Variants in IGSF21 observed in about 807,000 individuals in gnomAD.
The protein encoded by IGSF21 is immunoglobulin superfamily member 21.
In IGSF21, 28 loss-of-function variants were observed where a neutral mutation model predicts 46.8. The ratio of observed to expected loss-of-function variants is 0.60; its 90% confidence interval spans 0.44 to 0.82. IGSF21 has a LOEUF of 0.82. Ranked by LOEUF, IGSF21 falls within the 40% of genes least tolerant of loss-of-function variation. The probability of loss-of-function intolerance (pLI) is 0.00; values close to 1 mark genes in which losing one functional copy is unlikely to be tolerated. For synonymous variants in IGSF21, 284 were observed against 273.6 expected (o/e 1.04, Z -0.38); for missense variants, 624 against 665.5 (o/e 0.94, Z 0.69).
chr1:18,237,252 A>G (rs2084681748), intron 2 of IGSF21, among the ~76,000 whole-genome samples: 1 of 152,156 alleles, frequency 6.6e-6, no homozygotes, highest in Non-Finnish European at 1.5e-5. Flanking sequence ...ATCCTGCTCT[A>G]CCATTTAATT....
At chr1:18,198,301 G>A (rs1338143921) in intron 1 of IGSF21, among the ~76,000 whole-genome samples, 1 of 152,148 alleles carries the variant, frequency 6.6e-6, no homozygotes, top group Admixed American at 6.5e-5. Flanking sequence ...ACCTGCCCAA[G>A]TCATAAGTGG....
At chr1:18,254,716 C>T (rs561953085) in intron 2 of IGSF21, among the ~76,000 whole-genome samples, 76 of 152,358 alleles carry the variant, frequency 5.0e-4, no homozygotes, top group African/African-American at 1.8e-3. Context: ...CTGTGCCACT[C>T]CTGGACATAG....
At chr1:18,374,096 C>T (rs2086255865) in intron 6 of IGSF21, among the ~76,000 whole-genome samples, 1 of 152,200 alleles carries the variant, frequency 6.6e-6, no homozygotes, top group Admixed American at 6.5e-5. Flanking sequence ...CTCCTGGCTG[C>T]AGCCAACAAT....
At chr1:18,292,679 C>T (rs1399580171) in intron 3 of IGSF21, among the ~76,000 whole-genome samples, 1 of 152,282 alleles carries the variant, frequency 6.6e-6, no homozygotes. Flanking sequence ...TAACACACAC[C>T]GGTCCCTCTT....
At chr1:18,336,693 C>A (rs536147846) in intron 4 of IGSF21, among the ~76,000 whole-genome samples, 1 of 152,186 alleles carries the variant, frequency 6.6e-6, no homozygotes, top group Non-Finnish European at 1.5e-5. Flanking sequence ...ACCAAAGAAC[C>A]CTGAGCAGGT....
intron 1 of IGSF21, among the ~76,000 whole-genome samples, chr1:18,157,415 C>T (rs2086578283): frequency 6.6e-6 from 1 of 152,214 alleles, no homozygotes; most frequent in Non-Finnish European, 1.5e-5. Flanking sequence ...CCAATCCCCT[C>T]AAGGTCTCGG....
At chr1:18,261,391 A>G (rs186651254) in intron 2 of IGSF21, among the ~76,000 whole-genome samples, 124 of 152,186 alleles carry the variant, frequency 8.1e-4, no homozygotes, top group African/African-American at 2.9e-3. Flanking sequence ...CAGGGACTGG[A>G]TGGAAGGAAC....
rs1015113249 is a variant in IGSF21 at position 18,227,885 on chromosome 1, C to T, written c.71-13C>T. The T allele has an allele frequency of 6.2e-7, 1 of 1,607,798 alleles. No individual in the cohort carries two copies. The highest frequency in any genetic ancestry group is 8.5e-7 in the Non-Finnish European group (1 of 1,174,330). ...CTCGTGCCCTTACCACCCCTTTCTCCTCTCTTCTGTAGGCTACCTGACAGT... is the reference window on the plus strand; with the variant it reads ...CTCGTGCCCTTACCACCCCTTTCTCTTCTCTTCTGTAGGCTACCTGACAGT... On this transcript the variant is annotated splice_polypyrimidine_tract_variant and intron_variant, in intron 1 of 9. Coordinates refer to ENST00000251296, the MANE Select transcript of IGSF21 (RefSeq NM_032880.5).
intron 1 of IGSF21, among the ~76,000 whole-genome samples, chr1:18,180,888 G>A (rs551449432): frequency 1.2e-4 from 18 of 152,274 alleles, no homozygotes; most frequent in Non-Finnish European, 2.4e-4. Context: ...GGTAAGAGGC[G>A]GATCAGGGAT....
intron 2 of IGSF21, among the ~76,000 whole-genome samples, chr1:18,263,425 C>T (rs1167904227): frequency 3.3e-5 from 5 of 151,212 alleles, no homozygotes; most frequent in African/African-American, 7.3e-5. Context: ...TGCAGTGTAA[C>T]GGGTCCAGTT....
In IGSF21 at chr1:18,287,419, C is replaced by A. The variant is rs200114290; in HGVS notation, c.184-4447C>A. 5.9e-3 allele frequency among the ~76,000 whole-genome samples: 879 copies of A among 147,754 alleles called. 10 individuals are homozygous for A. Among genetic ancestry groups the A allele is most frequent in the African/African-American group, 0.019 (784 of 40,352 alleles). ...CAAACAAACAAACAAACAAACAAAA[C>A]AAAAAAAAAATCCACCCATCCTCAT... On this transcript the variant is annotated intron_variant, in intron 2 of 9. Coordinates refer to ENST00000251296, the MANE Select transcript of IGSF21 (RefSeq NM_032880.5).
Position 18,290,880 on chromosome 1 carries a change from T to A in IGSF21, c.184-986T>A, listed in dbSNP as rs1305423804. Among the ~76,000 whole-genome samples, 3 of 151,506 alleles carry A rather than the reference T, an allele frequency of 2.0e-5. No homozygotes were observed. The highest frequency in any genetic ancestry group is 4.4e-5 in the Non-Finnish European group (3 of 67,952). On this transcript the variant is annotated intron_variant, in intron 2 of 9. Coordinates refer to ENST00000251296, the MANE Select transcript of IGSF21 (RefSeq NM_032880.5). This position sits in a 1 kb window ranked among gnomAD's most constrained non-coding sequence, Gnocchi z 4.2. ...TCCACCACACAGAGCCGCAGGGAGC[T>A]AATTCCACTTCTCTAGGCCCAGGCA...
chr1:18,370,655 A>G (rs12035573), intron 6 of IGSF21, among the ~76,000 whole-genome samples: 43,592 of 152,116 alleles, frequency 0.29, 6,912 homozygotes, highest in East Asian at 0.37. Flanking sequence ...GATATCCTTG[A>G]GAAAAAAGAA....
At chr1:18,198,199 A>G (rs2087028707) in intron 1 of IGSF21, among the ~76,000 whole-genome samples, 1 of 152,224 alleles carries the variant, frequency 6.6e-6, no homozygotes, top group Non-Finnish European at 1.5e-5. Context: ...TTGACTGGAC[A>G]ATGCCATTTT....
chr1:18,264,841 C>T (rs563750084), intron 2 of IGSF21, among the ~76,000 whole-genome samples: 9 of 152,266 alleles, frequency 5.9e-5, no homozygotes, highest in African/African-American at 1.9e-4. Context: ...CCTTGACAAC[C>T]CTACCCTTCC....
chr1:18,208,376 A>AATATAT (rs5772795), intron 1 of IGSF21, among the ~76,000 whole-genome samples: 5 of 22,038 alleles, frequency 2.3e-4, no homozygotes, highest in Admixed American at 4.7e-4. Flanking sequence ...GTTTAGGAAT[A>AATATAT]ATATATATAT....
chr1:18,352,107 A>T (rs557461004), intron 4 of IGSF21, among the ~76,000 whole-genome samples: 1 of 152,314 alleles, frequency 6.6e-6, no homozygotes, highest in East Asian at 1.9e-4. Context: ...ATCAGCGTAT[A>T]GGGCCAGGGA....
chr1:18,208,616 C>G (rs1241789922), intron 1 of IGSF21, among the ~76,000 whole-genome samples: 2 of 131,638 alleles, frequency 1.5e-5, no homozygotes, highest in Admixed American at 1.7e-4. Flanking sequence ...CCAGGATGGT[C>G]TTGATCTCCT....
intron 6 of IGSF21, among the ~76,000 whole-genome samples, chr1:18,375,728 C>T (rs114682219): frequency 1.5e-3 from 231 of 152,260 alleles, no homozygotes; most frequent in African/African-American, 5.2e-3. Flanking sequence ...GTAGGAGACC[C>T]GCACCTTGAT....
Sources: gnomAD v4.1 joint callset for allele counts (sites outside exome capture counted in the v4.1 genomes callset) on GRCh38, gnomAD v4.1.1 for gene constraint, Gnocchi (gnomAD v3.1) non-coding constraint, MANE v1.5 for transcripts, NCBI Gene and HGNC (gene_info 2026-07-23, HGNC 2026-07-21) for gene names.